Variants in ALDH1A2 observed in about 807,000 individuals in gnomAD.
The protein encoded by ALDH1A2 is retinal dehydrogenase 2.
Under a neutral mutation model 60.3 loss-of-function variants are expected in ALDH1A2, and 27 were observed. The ratio of observed to expected loss-of-function variants is 0.45; its 90% CI spans 0.33 to 0.62. The LOEUF is 0.62. ALDH1A2 is among the 20% of genes least tolerant of loss of function. The pLI is 0.02. For synonymous variants in ALDH1A2, 289 were observed against 232.4 expected (o/e 1.24, Z -2.21); for missense variants, 581 against 643.8 (o/e 0.90, Z 1.06).
intron 7 of ALDH1A2, among the ~76,000 whole-genome samples, chr15:57,982,335 T>C (rs1446589079): frequency 1.3e-5 from 2 of 152,254 alleles, no homozygotes; most frequent in East Asian, 1.9e-4. Flanking sequence ...TTTTCTGATA[T>C]GACTGACATA....
intron 1 of ALDH1A2, among the ~76,000 whole-genome samples, chr15:58,030,136 C>T (rs1253238224): frequency 1.3e-5 from 2 of 152,138 alleles, no homozygotes; most frequent in Admixed American, 6.6e-5. Flanking sequence ...TATGAAAATC[C>T]TCAATAAAAT....
intron 4 of ALDH1A2, among the ~76,000 whole-genome samples, chr15:58,003,308 C>G (rs1895337614): frequency 6.6e-6 from 1 of 151,836 alleles, no homozygotes; most frequent in Non-Finnish European, 1.5e-5. Context: ...ACCCCTCACT[C>G]TTATTCTGAT....
intron 7 of ALDH1A2, chr15:57,979,763 C>T (rs191159557): frequency 1.1e-5 from 3 of 262,326 alleles, no homozygotes; most frequent in Non-Finnish European, 2.3e-5. Flanking sequence ...TCAGGGACCT[C>T]TCCTGGGCCC....
At chr15:58,004,106 T>G (rs1341266607) in intron 4 of ALDH1A2, among the ~76,000 whole-genome samples, 1 of 151,868 alleles carries the variant, frequency 6.6e-6, no homozygotes, top group African/African-American at 2.4e-5. Flanking sequence ...CACTTTTTCA[T>G]TGCTCAAAAG....
At chr15:57,993,113 T>C (rs1894949625) in intron 5 of ALDH1A2, 40 bp from the exon 6 acceptor site, 1 of 1,606,974 alleles carries the variant, frequency 6.2e-7, no homozygotes, top group African/African-American at 1.3e-5. Context: ...TGGAAAAACA[T>C]TCTTCCACTA....
intron 4 of ALDH1A2, among the ~76,000 whole-genome samples, chr15:58,007,215 CT>C (rs376594527): frequency 1.1e-4 from 16 of 151,944 alleles, no homozygotes; most frequent in African/African-American, 3.9e-4. Context: ...TCACAGGAAC[CT>C]AATCTTTTAT....
chr15:58,016,494 A>G lies in ALDH1A2; in HGVS notation c.118-2213T>C, dbSNP rs111316643. On this transcript the variant is annotated intron_variant, in intron 1 of 12. Coordinates refer to ENST00000249750, the MANE Select transcript of ALDH1A2 (RefSeq NM_003888.4). ...CAGTTTTAATTATTTGTAAAGACTGATATTTCATGACTTTTGTTTCTTACA... is the reference window on the plus strand; with the variant it reads ...CAGTTTTAATTATTTGTAAAGACTGGTATTTCATGACTTTTGTTTCTTACA... Among the ~76,000 whole-genome samples the G allele has an allele frequency of 5.9e-5, 9 of 152,278 alleles. 1 individual carries two copies. Among genetic ancestry groups the G allele is most frequent in the African/African-American group, 2.2e-4 (9 of 41,564 alleles).
chr15:57,976,125 A>AAAAC (rs1423602443), intron 7 of ALDH1A2, among the ~76,000 whole-genome samples: 1 of 152,166 alleles, frequency 6.6e-6, no homozygotes, highest in African/African-American at 2.4e-5. Flanking sequence ...CAACTACTGA[A>AAAAC]AAACAAAGGA....
intron 12 of ALDH1A2, 100 bp downstream of exon 12, chr15:57,960,670 T>C (rs1893687930): frequency 3.0e-6 from 3 of 992,514 alleles, no homozygotes; most frequent in African/African-American, 3.2e-5. Context: ...TTGTTGAATG[T>C]ATGGATGAGT....
At chr15:58,008,317 A>C (rs1895524434) in intron 4 of ALDH1A2, among the ~76,000 whole-genome samples, 1 of 152,108 alleles carries the variant, frequency 6.6e-6, no homozygotes, top group South Asian at 2.1e-4. Context: ...ACAACAGTTA[A>C]TGAGTAAAGT....
chr15:58,043,251 A>G (rs748247990), intron 1 of ALDH1A2, among the ~76,000 whole-genome samples: 2 of 151,924 alleles, frequency 1.3e-5, no homozygotes. Flanking sequence ...TTCCAGCTAG[A>G]CTTTTCTGAA....
chr15:58,020,808 G>A lies in ALDH1A2; in HGVS notation c.118-6527C>T, dbSNP rs1236667550. ...TAGGATCATCTTGATTGTCATTAAC[G>A]TTTTATGTTTGTACTATGATCACTG... On this transcript the variant is annotated intron_variant, in intron 1 of 12. Coordinates refer to ENST00000249750, the MANE Select transcript of ALDH1A2 (RefSeq NM_003888.4). 5.3e-5 allele frequency among the ~76,000 whole-genome samples: 8 copies of A among 152,060 alleles called. No homozygotes were observed. In the East Asian group the frequency reaches 7.7e-4, roughly 15 times the overall value.
At chr15:58,056,586 A>G (rs1470206987) in intron 1 of ALDH1A2, among the ~76,000 whole-genome samples, 1 of 151,782 alleles carries the variant, frequency 6.6e-6, no homozygotes, top group East Asian at 1.9e-4. Context: ...TTAAAACTGT[A>G]TGACAGTTAC....
chr15:58,043,096 G>T (rs1240411361), intron 1 of ALDH1A2, among the ~76,000 whole-genome samples: 1 of 151,886 alleles, frequency 6.6e-6, no homozygotes. Flanking sequence ...TAAGTATGTG[G>T]CAAGTCACTC....
At chr15:57,958,214 G>GCGCACACACACACACACA (rs67551670) in intron 12 of ALDH1A2, among the ~76,000 whole-genome samples, 1,700 of 151,798 alleles carry the variant, frequency 0.011, 7 homozygotes, top group African/African-American at 0.02. Context: ...GTACACGCAC[G>GCGCACACACACACACACA]CACACACACA....
intron 4 of ALDH1A2, among the ~76,000 whole-genome samples, chr15:58,010,294 T>C (rs974451879): frequency 1.3e-5 from 2 of 152,066 alleles, no homozygotes; most frequent in Non-Finnish European, 2.9e-5. Flanking sequence ...AAGGAGCAAG[T>C]CTTAACCTCG....
chr15:57,972,192 C>A (rs893208733), intron 7 of ALDH1A2, among the ~76,000 whole-genome samples: 12 of 152,140 alleles, frequency 7.9e-5, no homozygotes, highest in African/African-American at 2.9e-4. Context: ...GACTTGCAAA[C>A]AGGCACCCAC....
At chr15:58,064,507 GA>G (rs1255753449) in intron 1 of ALDH1A2, among the ~76,000 whole-genome samples, 1 of 152,160 alleles carries the variant, frequency 6.6e-6, no homozygotes, top group Non-Finnish European at 1.5e-5. Context: ...AAAAAAGCAC[GA>G]TGGAATACAT....
chr15:57,967,794 C>T (rs1485864806), intron 7 of ALDH1A2, among the ~76,000 whole-genome samples: 1 of 152,186 alleles, frequency 6.6e-6, no homozygotes, highest in African/African-American at 2.4e-5. Context: ...GCCCTTCCCC[C>T]GCCCTTGCCA....
Sources: gnomAD v4.1 joint callset for allele counts (sites outside exome capture counted in the v4.1 genomes callset) on GRCh38, gnomAD v4.1.1 for gene constraint, MANE v1.5 for transcripts, NCBI Gene and HGNC (gene_info 2026-07-23, HGNC 2026-07-21) for gene names.